Variants in MIER2 observed in about 807,000 individuals in gnomAD.
MIER2 encodes the protein mesoderm induction early response protein 2.
MIER2 carries 30 observed loss-of-function variants against 67.6 expected under a neutral mutation model. The ratio of observed to expected loss-of-function variants is 0.44; its 90% confidence interval spans 0.33 to 0.60. MIER2 has a LOEUF of 0.60. Ranked by LOEUF, MIER2 falls within the 20% of genes least tolerant of loss-of-function variation. The pLI is 0.02. For synonymous variants in MIER2, 372 were observed against 312.6 expected, an observed-to-expected ratio of 1.19 and a Z score of -2.00; for missense variants, 702 against 745.1, an observed-to-expected ratio of 0.94 and a Z score of 0.67.
At chr19:341,657 C>T (rs1972510064) in intron 1 of MIER2, among the ~76,000 whole-genome samples, 1 of 152,184 alleles carries the variant, frequency 6.6e-6, no homozygotes, top group African/African-American at 2.4e-5. Flanking sequence ...GAACACTCTG[C>T]ATGTTTCCCT....
intron 5 of MIER2, 28 bp from the exon 6 acceptor site, chr19:326,626 A>G: frequency 6.3e-7 from 1 of 1,585,762 alleles, no homozygotes. Flanking sequence ...CAGGTCCCCC[A>G]GGGTCTCCAC....
Position 329,611 on chromosome 19 carries a change from G to A in MIER2, c.244-1622C>T, listed in dbSNP as rs1412876335. Among the ~76,000 whole-genome samples, 15 of 152,106 alleles carry A rather than the reference G, an allele frequency of 9.9e-5. No individual in the cohort carries two copies. The East Asian group carries it at 2.3e-3, about 23-fold the overall frequency. ...TCACTTCAGAAGATGCTGGACAGCC[G>A]GGCAGGATGGCTCATGCCTGTAATC... On this transcript the variant is annotated intron_variant, in intron 3 of 13. Coordinates refer to ENST00000264819, the MANE Select transcript of MIER2 (RefSeq NM_017550.3).
Position 307,509 on chromosome 19 carries a change from C to T in MIER2, c.1226G>A (p.Gly409Asp). ...GGCCACTCCGGGCTCATCGAGACCA[C>T]CGGCCGTGCCATCCACGCTCAGTGG... ...TDPLSVDGTAGGLDEPGVASD... is the reference protein window; with the variant it reads ...TDPLSVDGTADGLDEPGVASD... The change falls in exon 13 of 14, where the codon GGT becomes GAT. Residue 409 changes from glycine (G) to aspartate (D), a missense_variant. Coordinates refer to ENST00000264819, the MANE Select transcript of MIER2 (RefSeq NM_017550.3). 1.3e-6 allele frequency: 2 copies of T among 1,514,906 alleles called. No homozygotes were observed. The highest frequency in any genetic ancestry group is 1.8e-6 in the Non-Finnish European group (2 of 1,137,120). The allele number at this position is 1,514,906 out of a possible 1,614,324, so 93.8% of individuals were successfully genotyped here. A position where few individuals can be genotyped will look rare whatever the true frequency, so the allele number is the denominator to read the frequency against.
intron 1 of MIER2, among the ~76,000 whole-genome samples, chr19:337,870 C>CTAAAA (rs1161369821): frequency 2.7e-5 from 1 of 37,152 alleles, no homozygotes; most frequent in African/African-American, 1.7e-4. Flanking sequence ...CTCCATCTCA[C>CTAAAA]AAAAAAAAAA....
chr19:344,298 G>T (rs984451538), intron 1 of MIER2: 1 of 985,004 alleles, frequency 1.0e-6, no homozygotes. Context: ...GCGGAGGCGC[G>T]GTGGGTCCAC....
chr19:320,432 G>A (rs569214735), intron 7 of MIER2, among the ~76,000 whole-genome samples: 3 of 151,796 alleles, frequency 2.0e-5, no homozygotes, highest in South Asian at 2.1e-4. Context: ...TTAAAAAATA[G>A]ATACGTAAAT....
intron 1 of MIER2, 109 bp downstream of exon 1, chr19:344,665 C>G: frequency 1.3e-6 from 1 of 745,972 alleles, no homozygotes; most frequent in Non-Finnish European, 1.7e-6. Flanking sequence ...CCTCAGAGCT[C>G]CAGAGCGGGG....
chr19:313,699 C>G lies in MIER2; in HGVS notation c.656-56G>C, dbSNP rs1377163678. ...CAGGAACCCAATCTGCACCCACACA[C>G]GCCAGGACAAGCAAAGCAGCCAACT... On this transcript the variant is annotated intron_variant, in intron 7 of 13. Transcript: ENST00000264819. 5.7e-6 allele frequency: 9 copies of G among 1,573,248 alleles called. No homozygotes were observed. The East Asian group carries it at 1.3e-4, about 24-fold the overall frequency.
chr19:320,427 A>G (rs1463398485), intron 7 of MIER2, among the ~76,000 whole-genome samples: 1 of 152,014 alleles, frequency 6.6e-6, no homozygotes, highest in Non-Finnish European at 1.5e-5. Context: ...TAAATTTAAA[A>G]AATAGATACG....
chr19:317,359 C>T (rs1305023551), intron 7 of MIER2, among the ~76,000 whole-genome samples: 1 of 151,986 alleles, frequency 6.6e-6, no homozygotes, highest in Non-Finnish European at 1.5e-5. Flanking sequence ...AACCTCGTCT[C>T]TACTAAAAAT....
chr19:333,882 C>T (rs916851429), intron 3 of MIER2, among the ~76,000 whole-genome samples: 1 of 152,090 alleles, frequency 6.6e-6, no homozygotes, highest in African/African-American at 2.4e-5. Flanking sequence ...TTAGTAGAGA[C>T]AGGGTTTCAC....
intron 10 of MIER2, among the ~76,000 whole-genome samples, chr19:310,202 C>T (rs1970888636): frequency 6.6e-6 from 1 of 152,246 alleles, no homozygotes; most frequent in Non-Finnish European, 1.5e-5. Context: ...GTGGCCACTG[C>T]TGGTGATGGC....
At chr19:317,167 G>C (rs1033938054) in intron 7 of MIER2, among the ~76,000 whole-genome samples, 1 of 152,160 alleles carries the variant, frequency 6.6e-6, no homozygotes, top group African/African-American at 2.4e-5. Flanking sequence ...GGCCGACGTG[G>C]GCGGATCACG....
At chr19:319,055 C>CAA (rs71171975) in intron 7 of MIER2, among the ~76,000 whole-genome samples, 2,303 of 129,604 alleles carry the variant, frequency 0.018, 94 homozygotes, top group Admixed American at 0.11. Flanking sequence ...GACTCTGTCT[C>CAA]AAAAAAAAAA....
intron 7 of MIER2, among the ~76,000 whole-genome samples, chr19:314,662 C>A (rs1971156227): frequency 6.6e-6 from 1 of 151,930 alleles, no homozygotes; most frequent in Non-Finnish European, 1.5e-5. Context: ...GACACCACAG[C>A]CACCTTTCTC....
chr19:335,053 A>C (rs2145528767), intron 2 of MIER2, among the ~76,000 whole-genome samples: 1 of 152,374 alleles, frequency 6.6e-6, no homozygotes, highest in East Asian at 1.9e-4. Context: ...CACATGAAGA[A>C]GACATGCGAT....
intron 7 of MIER2, among the ~76,000 whole-genome samples, chr19:316,279 T>C (rs1415710708): frequency 3.9e-5 from 6 of 151,906 alleles, no homozygotes; most frequent in South Asian, 2.1e-4. Context: ...AACAATGTTA[T>C]CATCTTGTGA....
In MIER2 at chr19:336,542, G is replaced by C. The variant is rs112068145; in HGVS notation, c.10-369C>G. Among the ~76,000 whole-genome samples, 3 of 152,322 alleles carry C rather than the reference G, an allele frequency of 2.0e-5. No homozygotes were observed. In the East Asian group the frequency reaches 5.8e-4, roughly 29 times the overall value. On this transcript the variant is annotated intron_variant, in intron 1 of 13. Coordinates refer to ENST00000264819, the MANE Select transcript of MIER2 (RefSeq NM_017550.3). ...GCCAGACACCAACGGCCACAGCGTA[G>C]GGTCCACTGATACCAAACATCCAGA...
Position 325,643 on chromosome 19 carries a change from C to T in MIER2, c.647G>A (p.Cys216Tyr). Residue 216 changes from cysteine to tyrosine, a missense_variant, in exon 7 of 14, where the codon TGT becomes TAT. Around this residue, in one of 3 missense-constraint regions of MIER2, gnomAD observed 320 missense variants for 292.6 expected, o/e 1.09. Transcript: ENST00000264819. ...DLSNLHLNRH[C>Y]EKIYENEDQL... ...CCCCAGGCCCTACTTACTCTTCTCA[C>T]AGTGCCGGTTCAAGTGCAGGTTGCT... 6.2e-7 allele frequency: 1 copy of T among 1,614,236 alleles called. No homozygotes were observed. Among genetic ancestry groups the T allele is most frequent in the Non-Finnish European group, 8.5e-7 (1 of 1,180,034 alleles).
Sources: allele counts gnomAD v4.1 joint callset (sites outside exome capture counted in the v4.1 genomes callset), GRCh38; gene constraint gnomAD v4.1.1; regional missense constraint gnomAD v4.1.1; transcripts MANE v1.5; gene names NCBI Gene and HGNC (gene_info 2026-07-23, HGNC 2026-07-21).